SNRPN: variants seen among roughly 807,000 people sequenced by gnomAD.
The protein encoded by SNRPN is small nuclear ribonucleoprotein polypeptide N.
In SNRPN, 7 loss-of-function variants were observed where a neutral mutation model predicts 25.2. The ratio of observed to expected loss-of-function variants is 0.28; its 90% CI spans 0.16 to 0.52. The LOEUF (loss-of-function observed/expected upper bound fraction) is 0.52. SNRPN is among the 20% of genes least tolerant of loss of function. SNRPN has a pLI of 0.96. For missense variants in SNRPN, 196 were observed against 322.5 expected (o/e 0.61, Z 3.00); for synonymous variants, 124 against 110.6 (o/e 1.12, Z -0.76).
At chr15:24,965,874 T>C (rs995252017) in intron 2 of SNRPN, among the ~76,000 whole-genome samples, 1 of 152,194 alleles carries the variant, frequency 6.6e-6, no homozygotes, top group Non-Finnish European at 1.5e-5. Flanking sequence ...TATATATATT[T>C]TTTTTTACTG....
At chr15:24,970,803 C>G (rs553754415) in intron 3 of SNRPN, among the ~76,000 whole-genome samples, 1 of 152,190 alleles carries the variant, frequency 6.6e-6, no homozygotes, top group Non-Finnish European at 1.5e-5. Context: ...CCTTTGTATT[C>G]TGGTGTTTTT....
intron 3 of SNRPN, among the ~76,000 whole-genome samples, chr15:24,969,303 AT>A (rs1403278402): frequency 1.3e-5 from 2 of 151,922 alleles, no homozygotes; most frequent in Non-Finnish European, 2.9e-5. Flanking sequence ...TAATTTTTGT[AT>A]TTTTGGTAGA....
chr15:24,907,003 G>A, intron 2 of SNRPN, among the ~76,000 whole-genome samples: 1 of 151,914 alleles, frequency 6.6e-6, no homozygotes, highest in East Asian at 1.9e-4. Flanking sequence ...GGCTTGAAGG[G>A]GGAAATATCA....
intron 2 of SNRPN, among the ~76,000 whole-genome samples, chr15:24,841,839 C>A (rs1038113427): frequency 1.3e-5 from 2 of 152,276 alleles, no homozygotes; most frequent in South Asian, 4.1e-4. Flanking sequence ...CTAGTTTCTT[C>A]TTGGGTGCCT....
upstream of SNRPN, among the ~76,000 whole-genome samples, chr15:24,950,896 C>T (rs1002240458): frequency 6.7e-6 from 1 of 150,028 alleles, no homozygotes; most frequent in African/African-American, 2.5e-5. Context: ...GAGTCCTGCT[C>T]TGTCGCCCAG....
chr15:24,842,513 CT>C (rs1297466339), intron 2 of SNRPN, among the ~76,000 whole-genome samples: 2 of 152,182 alleles, frequency 1.3e-5, no homozygotes, highest in African/African-American at 2.4e-5. Flanking sequence ...AAATGCCCCC[CT>C]TTCACACAGC....
chr15:24,906,067 T>C (rs1480426839), intron 2 of SNRPN, among the ~76,000 whole-genome samples: 2 of 152,162 alleles, frequency 1.3e-5, no homozygotes, highest in Non-Finnish European at 2.9e-5. Context: ...TTATGTGACA[T>C]GGGAGCTTTT....
chr15:24,835,570 A>G (rs930920867), intron 2 of SNRPN, among the ~76,000 whole-genome samples: 1 of 152,164 alleles, frequency 6.6e-6, no homozygotes, highest in African/African-American at 2.4e-5. Flanking sequence ...AATTCAGATC[A>G]TTCCCCATCA....
Position 24,974,359 on chromosome 15 carries a change from A to G in SNRPN, c.-95A>G. 1 of 1,156,920 alleles carries G rather than the reference A, an allele frequency of 8.6e-7. No individual in the cohort carries two copies. The highest frequency in any genetic ancestry group is 1.3e-6 in the Non-Finnish European group (1 of 763,406). The allele number at this position is 1,156,920 out of a possible 1,614,324, so 71.7% of individuals were successfully genotyped here. ...CTGCCCAGCTTGCATTGTTTCTAGG[A>G]GAACCTGCGTCATACCTTTATCTAT... On this transcript the variant is annotated 5_prime_UTR_variant, in exon 4 of 10. Coordinates refer to ENST00000390687, the MANE Select transcript of SNRPN (RefSeq NM_003097.6).
upstream of SNRPN, among the ~76,000 whole-genome samples, chr15:24,852,620 G>A (rs2052969161): frequency 6.6e-6 from 1 of 152,166 alleles, no homozygotes; most frequent in Admixed American, 6.5e-5. Context: ...ATATTAGTTA[G>A]AAGTATTAAC....
At chr15:24,878,356 A>C (rs1470807530) in intron 1 of SNRPN, among the ~76,000 whole-genome samples, 2 of 152,092 alleles carry the variant, frequency 1.3e-5, no homozygotes, top group Non-Finnish European at 2.9e-5. Flanking sequence ...ACAAACCCGC[A>C]GTGCGCTACG....
intron 3 of SNRPN, among the ~76,000 whole-genome samples, chr15:24,970,509 G>A (rs148083165): frequency 6.7e-4 from 102 of 152,290 alleles, no homozygotes; most frequent in African/African-American, 2.3e-3. Context: ...AACCCTAGGG[G>A]CAGAGGTTGC....
Position 24,967,852 on chromosome 15 carries a change from G to T in SNRPN, c.-294-80G>T, listed in dbSNP as rs757206699. On this transcript the variant is annotated intron_variant, in intron 2 of 9. Coordinates refer to ENST00000390687, the MANE Select transcript of SNRPN (RefSeq NM_003097.6). ...AAGGAATATCTTCTTAAATGTAAGG[G>T]TACCTAGTTTTCTTTCATATGGTTT... 4.2e-4 allele frequency: 457 copies of T among 1,093,628 alleles called. 4 individuals are homozygous for T. Among genetic ancestry groups the T allele is most frequent in the Non-Finnish European group, 6.0e-4 (429 of 715,676 alleles). 67.7% of individuals were successfully genotyped at this position (1,093,628 alleles called of 1,614,324 possible).
In SNRPN at chr15:24,936,114, C is replaced by T. The variant is rs367866383; in HGVS notation, c.-391+15990C>T. On this transcript the variant is annotated intron_variant, in intron 3 of 11. Coordinates refer to the SNRPN transcript ENST00000400097. ...TGGGCAACAGAGCAAGACTCTGTCTCAAAAAAAAAAAAAAATTGTGTTATT... is the reference window on the plus strand; with the variant it reads ...TGGGCAACAGAGCAAGACTCTGTCTTAAAAAAAAAAAAAAATTGTGTTATT... Among the ~76,000 whole-genome samples the T allele has an allele frequency of 1.2e-4, 16 of 137,474 alleles. No individual in the cohort carries two copies. The East Asian group carries it at 2.1e-3, about 18-fold the overall frequency. The allele number at this position is 137,474 out of a possible 152,430, so 90.2% of individuals were successfully genotyped here.
In SNRPN at chr15:24,927,146, GA is replaced by G. The variant is rs2060437754; in HGVS notation, c.-391+7023del. ...CCCTTTTCTTTTTTTTTGGAGACAT[GA>G]TCTTGGTTTGTCACCCAGGCTGGGG... On this transcript the variant is annotated intron_variant, in intron 3 of 11. Transcript: ENST00000400097. 2.7e-5 allele frequency among the ~76,000 whole-genome samples: 4 copies of G among 149,760 alleles called. No homozygotes were observed. The South Asian group carries it at 8.4e-4, about 32-fold the overall frequency.
chr15:24,900,888 A>C (rs2058400881), intron 2 of SNRPN, among the ~76,000 whole-genome samples: 1 of 152,156 alleles, frequency 6.6e-6, no homozygotes, highest in African/African-American at 2.4e-5. Context: ...TGAGTCCATA[A>C]ATTTAAGACC....
At chr15:24,877,685 CACACACACACAA>C (rs1480550845) in intron 1 of SNRPN, among the ~76,000 whole-genome samples, 13 of 149,036 alleles carry the variant, frequency 8.7e-5, no homozygotes, top group African/African-American at 2.2e-4. Flanking sequence ...CACACACACA[CACACACACACAA>C]ACACACTAGC....
intron 2 of SNRPN, among the ~76,000 whole-genome samples, chr15:24,835,760 G>A (rs2051119196): frequency 6.6e-6 from 1 of 152,104 alleles, no homozygotes; most frequent in African/African-American, 2.4e-5. Flanking sequence ...CCTATGCGCG[G>A]AGTATGTTAC....
intron 1 of SNRPN, among the ~76,000 whole-genome samples, chr15:24,868,145 A>ACC (rs2054767316): frequency 6.6e-6 from 1 of 151,662 alleles, no homozygotes; most frequent in African/African-American, 2.4e-5. Context: ...ATACACACAC[A>ACC]CATATACATA....
Sources: gnomAD v4.1 joint callset for allele counts (sites outside exome capture counted in the v4.1 genomes callset) on GRCh38, gnomAD v4.1.1 for gene constraint, MANE v1.5 for transcripts, NCBI Gene and HGNC (gene_info 2026-07-23, HGNC 2026-07-21) for gene names.